Variants in TGS1 observed in about 807,000 individuals in gnomAD.
The protein encoded by TGS1 is trimethylguanosine synthase.
TGS1 carries 69 observed loss-of-function variants against 92.2 expected under a neutral mutation model. That is an observed-to-expected ratio of 0.75 (90% CI 0.62 to 0.91). The LOEUF (loss-of-function observed/expected upper bound fraction) is 0.91, where lower values mean the gene tolerates loss of function less well. Ranked by LOEUF, TGS1 falls within the 40% of genes least tolerant of loss-of-function variation. The pLI, the probability that TGS1 is intolerant of heterozygous loss-of-function variation, is 0.00. For synonymous variants in TGS1, 345 were observed against 338.1 expected (o/e 1.02, Z -0.22); for missense variants, 1,062 against 1,001.2 (o/e 1.06, Z -0.82).
chr8:55,799,117 T>A lies in TGS1; in HGVS notation c.1746T>A (p.Leu582=). Residue 582 remains leucine (L), a synonymous_variant, in exon 8 of 13, where the codon CTT becomes CTA. Coordinates refer to ENST00000260129, the MANE Select transcript of TGS1 (RefSeq NM_024831.8). The part of the protein sequence containing the change: ...KCQSVSSAGE[L]ETENYERDSL... ...AGAGCGTATCTTCAGCTGGTGAACT[T>A]GAAACAGAAAACTATGAAAGAGACA... 1 of 1,614,122 alleles carries A rather than the reference T, an allele frequency of 6.2e-7. No homozygotes were observed. Among genetic ancestry groups the A allele is most frequent in the Non-Finnish European group, 8.5e-7 (1 of 1,180,030 alleles).
intron 12 of TGS1, among the ~76,000 whole-genome samples, chr8:55,814,284 C>G (rs958309409): frequency 2.0e-5 from 3 of 151,996 alleles, no homozygotes; most frequent in African/African-American, 7.3e-5. Flanking sequence ...TACTGTAATC[C>G]ACTGGGAAAG....
chr8:55,787,102 A>T, intron 4 of TGS1, 42 bp downstream of exon 4: 1 of 1,420,180 alleles, frequency 7.0e-7, no homozygotes, highest in Non-Finnish European at 9.6e-7. Context: ...AATGGTTAGC[A>T]AAATGAATTC....
rs1811731198 is a variant in TGS1, at chr8:55,786,853, G to A, written c.955G>A (p.Asp319Asn). 4 of 1,614,124 alleles carry A rather than the reference G, an allele frequency of 2.5e-6. No homozygotes were observed. In the East Asian group the frequency reaches 8.9e-5, roughly 36 times the overall value. The change falls in exon 4 of 13, where the codon GAT (aspartate) becomes AAT (asparagine). Residue 319 changes from aspartate to asparagine, a missense_variant. Physicochemically the swap from Asp to Asn is conservative, Grantham distance 23 (BLOSUM62 1). Transcript: ENST00000260129. The stretch of plus-strand genomic sequence containing the variant: ...TGATAAGGATCATAGTGAAATACTT[G>A]ATGGAATTAGTAACATAAAACTGAA... ...TSDKDHSEIL[D>N]GISNIKLNSE...
At chr8:55,809,939 A>T (rs1299403840) in intron 10 of TGS1, among the ~76,000 whole-genome samples, 2 of 152,206 alleles carry the variant, frequency 1.3e-5, no homozygotes, top group African/African-American at 4.8e-5. Flanking sequence ...TGAGCAACTG[A>T]AAAGAATTTT....
chr8:55,814,834 T>TAA (rs1554564865), intron 12 of TGS1, among the ~76,000 whole-genome samples: 226 of 128,020 alleles, frequency 1.8e-3, no homozygotes, highest in Non-Finnish European at 2.2e-3. Context: ...TGAGACTGTC[T>TAA]AAAAAAAAAA....
At position 55,773,579 on chromosome 8, in the gene TGS1, C is replaced by G; in HGVS notation, c.-40C>G. 6.5e-7 allele frequency: 1 copy of G among 1,533,054 alleles called. No homozygotes were observed. 95.0% of individuals were successfully genotyped at this position (1,533,054 alleles called of 1,614,324 possible). A position where few individuals can be genotyped will look rare whatever the true frequency, so the allele number is the denominator to read the frequency against. ...CCGAGCGGAGGCCCGGCAGGCGCGA[C>G]CCGGGCTGCGTACGTCAGAGCTGCC... On this transcript the variant is annotated 5_prime_UTR_variant, in exon 1 of 13. Transcript: ENST00000260129.
chr8:55,805,901 A>T (rs1347219553), intron 10 of TGS1, among the ~76,000 whole-genome samples: 3 of 141,338 alleles, frequency 2.1e-5, no homozygotes, highest in Non-Finnish European at 4.6e-5. Flanking sequence ...AAAAAAAAAA[A>T]AAATTTAAAA....
At chr8:55,804,652 A>T (rs952327243) in intron 9 of TGS1, among the ~76,000 whole-genome samples, 8 of 152,216 alleles carry the variant, frequency 5.3e-5, no homozygotes, top group Non-Finnish European at 7.3e-5. Flanking sequence ...ATGGAGGTAT[A>T]CAGTATTACA....
Position 55,786,427 on chromosome 8 carries a change from A to G in TGS1, c.529A>G (p.Thr177Ala). Residue 177 changes from threonine (T) to alanine (A), a missense_variant, in exon 4 of 13, where the codon ACT (threonine) becomes GCT (alanine). Coordinates refer to ENST00000260129, the MANE Select transcript of TGS1 (RefSeq NM_024831.8). ...RTYELQSKKD[T>A]ETENPPVENT... The stretch of plus-strand genomic sequence containing the variant: ...ATATGAACTTCAAAGCAAAAAAGAT[A>G]CTGAGACAGAAAATCCTCCAGTTGA... 1.2e-6 allele frequency: 2 copies of G among 1,613,592 alleles called. No individual in the cohort carries two copies. The highest frequency in any genetic ancestry group is 1.1e-5 in the South Asian group (1 of 90,820).
chr8:55,820,056 CG>C (rs1183399943), intron 12 of TGS1, among the ~76,000 whole-genome samples: 1 of 152,174 alleles, frequency 6.6e-6, no homozygotes, highest in Non-Finnish European at 1.5e-5. Flanking sequence ...CACATTTCTG[CG>C]TATCATAGAT....
chr8:55,784,253 A>C (rs1811649151), intron 2 of TGS1, among the ~76,000 whole-genome samples: 1 of 152,230 alleles, frequency 6.6e-6, no homozygotes, highest in Non-Finnish European at 1.5e-5. Flanking sequence ...TTAGATAACC[A>C]TATTGGTGTA....
At position 55,786,474 on chromosome 8, in the gene TGS1, A is replaced by G; in HGVS notation, c.576A>G (p.Leu192=). Reference sequence around the variant, plus strand: ...TTGAAAACACATTATCTCCAAAGCTAGAAATTACAGAGAAATGGGAAAAGT... The same window carrying G: ...TTGAAAACACATTATCTCCAAAGCTGGAAATTACAGAGAAATGGGAAAAGT... ...PPVENTLSPK[L]EITEKWEKYW... The change falls in exon 4 of 13, where the codon CTA becomes CTG. Residue 192 remains leucine, a synonymous_variant. Transcript: ENST00000260129. 6.2e-7 allele frequency: 1 copy of G among 1,614,072 alleles called. No individual in the cohort carries two copies. Among genetic ancestry groups the G allele is most frequent in the Non-Finnish European group, 8.5e-7 (1 of 1,179,990 alleles).
intron 1 of TGS1, among the ~76,000 whole-genome samples, chr8:55,774,293 T>C (rs1275434510): frequency 6.6e-6 from 1 of 152,260 alleles, no homozygotes; most frequent in Non-Finnish European, 1.5e-5. Flanking sequence ...ACTTGAATTC[T>C]AGGAATTGTT....
chr8:55,823,546 C>T (rs1803709535), intron 12 of TGS1, among the ~76,000 whole-genome samples: 1 of 151,994 alleles, frequency 6.6e-6, no homozygotes, highest in South Asian at 2.1e-4. Context: ...AGAAGTGATC[C>T]AAGGTGGGAG....
In TGS1 at chr8:55,796,122, A is replaced by G. The variant is rs1277122442; in HGVS notation, c.1512A>G (p.Pro504=). ...TCTTTACCAAAGAGTCAGAAAAACC[A>G]TTTTTCAAGAAAAGCAAAATTCTGA... ...HIFFTKESEK[P]FFKKSKILSK... is the part of the protein sequence containing the mutation. Residue 504 remains proline, a synonymous_variant, in exon 7 of 13, where the codon CCA becomes CCG. Coordinates refer to ENST00000260129, the MANE Select transcript of TGS1 (RefSeq NM_024831.8). 2.5e-6 allele frequency: 4 copies of G among 1,611,670 alleles called. No homozygotes were observed. Among genetic ancestry groups the G allele is most frequent in the East Asian group, 2.2e-5 (1 of 44,804 alleles).
Position 55,798,089 on chromosome 8 carries a change from G to A in TGS1, c.1543-825G>A, listed in dbSNP as rs1478422644. Reference sequence around the variant, plus strand: ...CCCCTATGCATTCATCTATAGATGAGTGCAGAAACAGCTACTAAGCATTGC... The same window carrying A: ...CCCCTATGCATTCATCTATAGATGAATGCAGAAACAGCTACTAAGCATTGC... On this transcript the variant is annotated intron_variant, in intron 7 of 12. Coordinates refer to ENST00000260129, the MANE Select transcript of TGS1 (RefSeq NM_024831.8). Among the ~76,000 whole-genome samples, 4 of 152,272 alleles carry A rather than the reference G, an allele frequency of 2.6e-5. No individual in the cohort carries two copies. In the East Asian group the frequency reaches 5.8e-4, roughly 22 times the overall value.
chr8:55,820,521 G>C (rs1395074971), intron 12 of TGS1, among the ~76,000 whole-genome samples: 2 of 152,096 alleles, frequency 1.3e-5, no homozygotes, highest in African/African-American at 4.8e-5. Flanking sequence ...CTGGGCGGTA[G>C]AGCCAGACTC....
At chr8:55,804,804 T>C in intron 9 of TGS1, 89 bp from the exon 10 acceptor site, 1 of 1,083,548 alleles carries the variant, frequency 9.2e-7, no homozygotes, top group East Asian at 2.6e-5. Context: ...TTTTTAAAAG[T>C]ATGTAAGATA....
At chr8:55,820,420 C>G (rs760054731) in intron 12 of TGS1, among the ~76,000 whole-genome samples, 31 of 152,042 alleles carry the variant, frequency 2.0e-4, no homozygotes, top group Non-Finnish European at 7.4e-5. Flanking sequence ...CGCCAGTAAT[C>G]CCAGCTACTC....
Sources: gnomAD v4.1 joint callset for allele counts (sites outside exome capture counted in the v4.1 genomes callset) on GRCh38, gnomAD v4.1.1 for gene constraint, MANE v1.5 for transcripts, NCBI Gene and HGNC (gene_info 2026-07-23, HGNC 2026-07-21) for gene names.